Variants in IL21R observed in about 807,000 individuals in gnomAD.
IL21R encodes interleukin-21 receptor.
IL21R carries 14 observed loss-of-function variants against 41.3 expected under a neutral mutation model. That is an observed-to-expected ratio of 0.34 (90% CI 0.22 to 0.53). IL21R has a LOEUF of 0.53. Among genes scored for constraint, IL21R ranks in the 20% least tolerant of loss-of-function variants. IL21R has a pLI of 0.94. For synonymous variants in IL21R, 286 were observed against 287.6 expected, an observed-to-expected ratio of 0.99 and a Z score of 0.05; for missense variants, 588 against 681.6, an observed-to-expected ratio of 0.86 and a Z score of 1.53.
At chr16:27,442,622 A>T (rs546828498) in intron 4 of IL21R, 1 of 163,404 alleles carries the variant, frequency 6.1e-6, no homozygotes, top group Admixed American at 6.4e-5. Context: ...TTGGCCTTCC[A>T]AAGTGCTGGG....
chr16:27,431,976 C>T (rs943512161), intron 2 of IL21R, among the ~76,000 whole-genome samples: 4 of 152,188 alleles, frequency 2.6e-5, no homozygotes, highest in Non-Finnish European at 4.4e-5. Context: ...TGCACCACCC[C>T]CAGAGGGGAC....
intron 2 of IL21R, among the ~76,000 whole-genome samples, chr16:27,434,133 A>C (rs2087223041): frequency 6.6e-6 from 1 of 151,858 alleles, no homozygotes; most frequent in Non-Finnish European, 1.5e-5. Flanking sequence ...CTTCATAGCC[A>C]GCCTTGAAAC....
chr16:27,437,989 C>T (rs750048941), intron 4 of IL21R, among the ~76,000 whole-genome samples: 4 of 152,134 alleles, frequency 2.6e-5, no homozygotes, highest in African/African-American at 7.2e-5. Context: ...AGCTCTCCTC[C>T]TTCCATCAGA....
rs566720440 is a variant in IL21R at position 27,436,898 on chromosome 16, C to T, written c.153-590C>T. Among the ~76,000 whole-genome samples, 74 of 152,196 alleles carry T rather than the reference C, an allele frequency of 4.9e-4. 1 individual carries two copies. Among genetic ancestry groups the T allele is most frequent in the African/African-American group, 1.7e-3 (72 of 41,522 alleles). ...GACCAGCCTAAGCAACATGGTGGGA[C>T]CCCATCTCTACAAAAAATACAAAAA... On this transcript the variant is annotated intron_variant, in intron 3 of 8. Transcript: ENST00000337929.
intron 2 of IL21R, among the ~76,000 whole-genome samples, 164 bp downstream of exon 2, chr16:27,430,284 C>A (rs1202018830): frequency 6.6e-6 from 1 of 152,230 alleles, no homozygotes; most frequent in Non-Finnish European, 1.5e-5. Flanking sequence ...AGCCGGCTCT[C>A]CACTAATCAG....
intron 1 of IL21R, among the ~76,000 whole-genome samples, chr16:27,426,264 G>A (rs999451506): frequency 1.3e-5 from 2 of 152,218 alleles, no homozygotes; most frequent in African/African-American, 4.8e-5. Flanking sequence ...CCAGCATGGC[G>A]CACACTGCCT....
chr16:27,407,022 C>T (rs904165216), intron 1 of IL21R, among the ~76,000 whole-genome samples: 3 of 152,230 alleles, frequency 2.0e-5, no homozygotes, highest in Non-Finnish European at 2.9e-5. Context: ...TATTCACACT[C>T]TGGAAGCAGA....
intron 4 of IL21R, among the ~76,000 whole-genome samples, chr16:27,440,277 A>AGAGAGAGC (rs1320948814): frequency 6.6e-5 from 9 of 136,678 alleles, no homozygotes; most frequent in Non-Finnish European, 9.3e-5. Context: ...AGAGAGAGAG[A>AGAGAGAGC]GAGCGAGCAA....
At chr16:27,403,581 C>T (rs897911836) in intron 1 of IL21R, among the ~76,000 whole-genome samples, 2 of 152,194 alleles carry the variant, frequency 1.3e-5, no homozygotes, top group East Asian at 3.9e-4. Flanking sequence ...CCTTGAGAAG[C>T]CATGGTTTTC....
At chr16:27,448,438 GAGC>G in intron 8 of IL21R, 93 bp from the exon 9 acceptor site, 1 of 1,311,648 alleles carries the variant, frequency 7.6e-7, no homozygotes, top group Non-Finnish European at 1.0e-6. Flanking sequence ...CTGGGCAGCA[GAGC>G]CAGACTGTCT....
At chr16:27,403,098 G>A (rs979455063) in intron 1 of IL21R, 34 of 592,218 alleles carry the variant, frequency 5.7e-5, no homozygotes, top group Admixed American at 1.4e-4. Flanking sequence ...ATGAGGCTGC[G>A]AGAGGTAGAG....
chr16:27,440,004 G>A (rs556775215), intron 4 of IL21R, among the ~76,000 whole-genome samples: 10 of 152,036 alleles, frequency 6.6e-5, no homozygotes, highest in Admixed American at 2.0e-4. Flanking sequence ...CACCTGCCCC[G>A]GGGAAGACAA....
At chr16:27,445,155 C>T (rs1360314293) in intron 6 of IL21R, 22 bp from the exon 7 acceptor site, 5 of 1,572,984 alleles carry the variant, frequency 3.2e-6, no homozygotes, top group Non-Finnish European at 4.4e-6. Flanking sequence ...GCCATTTAAC[C>T]CTTTCTTTGC....
At chr16:27,428,778 G>T (rs1260136947) in intron 1 of IL21R, among the ~76,000 whole-genome samples, 1 of 152,212 alleles carries the variant, frequency 6.6e-6, no homozygotes, top group Non-Finnish European at 1.5e-5. Context: ...TCTCTGTTTG[G>T]TCAGGCCTGG....
Position 27,444,718 on chromosome 16 carries a change from GGGTA to G in IL21R, c.685+3_685+6del. The G allele has an allele frequency of 6.7e-7, 1 of 1,491,782 alleles. No homozygotes were observed. The allele number at this position is 1,491,782 out of a possible 1,614,324, so 92.4% of individuals were successfully genotyped here. On this transcript the variant is annotated splice_donor_variant and splice_donor_region_variant and coding_sequence_variant and intron_variant, in exon 6 of 9. Coordinates refer to ENST00000337929, the MANE Select transcript of IL21R (RefSeq NM_181078.3). LOFTEE classifies it high-confidence loss of function. ...CGGTCATCTTTCAGACCCAGTCAGAGGGTAGGTGTGAAGCTGGGATGGACACCCC... is the reference window on the plus strand; with the variant it reads ...CGGTCATCTTTCAGACCCAGTCAGAGGGTGTGAAGCTGGGATGGACACCCC...
At chr16:27,403,141 G>A (rs1035297582) in intron 1 of IL21R, 1 of 996,332 alleles carries the variant, frequency 1.0e-6, no homozygotes. Context: ...CTGGGACGTA[G>A]CAGGTCGGGC....
At chr16:27,440,277 A>AGAGAGAGAGAGAGC (rs1320948814) in intron 4 of IL21R, among the ~76,000 whole-genome samples, 42 of 136,656 alleles carry the variant, frequency 3.1e-4, no homozygotes, top group Non-Finnish European at 5.1e-4. Context: ...AGAGAGAGAG[A>AGAGAGAGAGAGAGC]GAGCGAGCAA....
chr16:27,439,482 ACT>A lies in IL21R; in HGVS notation c.352+1797_352+1798del, dbSNP rs1217708693. On this transcript the variant is annotated intron_variant, in intron 4 of 8. Transcript: ENST00000337929. ...CACATGCATTCTCACACACGTGTAG[ACT>A]CACACATGCACACACATATACACTT... Among the ~76,000 whole-genome samples the A allele has an allele frequency of 5.3e-5, 8 of 151,432 alleles. No individual in the cohort carries two copies. In the South Asian group the frequency reaches 6.3e-4, roughly 12 times the overall value.
chr16:27,449,327 T>C lies in IL21R; in HGVS notation c.*44T>C. The C allele has an allele frequency of 6.6e-7, 1 of 1,526,386 alleles. No homozygotes were observed. The allele number at this position is 1,526,386 out of a possible 1,614,324, so 94.6% of individuals were successfully genotyped here. A position where few individuals can be genotyped will look rare whatever the true frequency, so the allele number is the denominator to read the frequency against. Reference sequence around the variant, plus strand: ...CAGAGCTGGCCAGGCCACTGGGCCCTGAGCCAGAGACAAGGTCACCTGGGC... The same window carrying C: ...CAGAGCTGGCCAGGCCACTGGGCCCCGAGCCAGAGACAAGGTCACCTGGGC... On this transcript the variant is annotated 3_prime_UTR_variant, in exon 9 of 9. Transcript: ENST00000337929.
Sources: gnomAD v4.1 joint callset for allele counts (sites outside exome capture counted in the v4.1 genomes callset) on GRCh38, gnomAD v4.1.1 for gene constraint, MANE v1.5 for transcripts, NCBI Gene and HGNC (gene_info 2026-07-23, HGNC 2026-07-21) for gene names.